Variants in TRPA1 observed in about 807,000 individuals in gnomAD.
TRPA1 encodes the protein transient receptor potential cation channel subfamily A member 1.
A neutral mutation model predicts 131.3 loss-of-function variants in TRPA1; 129 were observed. The ratio of observed to expected loss-of-function variants is 0.98; its 90% CI spans 0.85 to 1.14. TRPA1 has a LOEUF of 1.14. Ranked by LOEUF, TRPA1 falls within the 50% of genes most tolerant of loss-of-function variation. The pLI is 0.00. For missense variants in TRPA1, 1,304 were observed against 1,354.2 expected (o/e 0.96, Z 0.58); for synonymous variants, 441 against 451.7 (o/e 0.98, Z 0.30).
chr8:72,073,672 T>A (rs2129436932), intron 1 of TRPA1, among the ~76,000 whole-genome samples: 1 of 152,328 alleles, frequency 6.6e-6, no homozygotes, highest in East Asian at 1.9e-4. Flanking sequence ...AAATAAAGAC[T>A]ATTAGAAACA....
intron 23 of TRPA1, among the ~76,000 whole-genome samples, chr8:72,032,083 T>C (rs1464904898): frequency 1.3e-5 from 2 of 152,156 alleles, no homozygotes; most frequent in Non-Finnish European, 2.9e-5. Context: ...GGCACAATCA[T>C]GGAGTGTGCA....
Position 72,075,468 on chromosome 8 carries a change from G to A in TRPA1, c.-59C>T, listed in dbSNP as rs1041845139. The A allele has an allele frequency of 6.5e-6, 9 of 1,383,008 alleles. No individual in the cohort carries two copies. Among genetic ancestry groups the A allele is most frequent in the African/African-American group, 2.8e-5 (2 of 70,800 alleles). 85.7% of individuals were successfully genotyped at this position (1,383,008 alleles called of 1,614,324 possible). ...CTCACCACGCGCGCGGGCACCTGGG[G>A]CGAGAGAGCGCTGTCAGCCTGCCAG... On this transcript the variant is annotated 5_prime_UTR_variant, in exon 1 of 27. Coordinates refer to ENST00000262209, the MANE Select transcript of TRPA1 (RefSeq NM_007332.3).
At chr8:72,083,250 T>C in the TRPA1 span, among the ~76,000 whole-genome samples, 1 of 152,222 alleles carries the variant, frequency 6.6e-6, no homozygotes, top group Non-Finnish European at 1.5e-5. Context: ...TTATATTAGC[T>C]GATTTGAAAT....
chr8:72,033,977 A>G (rs992858359), intron 22 of TRPA1, 151 bp from the exon 23 acceptor site: 3 of 833,190 alleles, frequency 3.6e-6, no homozygotes, highest in Non-Finnish European at 5.9e-6. Context: ...AATATAGTAA[A>G]CATGGTAAAG....
At chr8:72,084,647 A>AT in the TRPA1 span, among the ~76,000 whole-genome samples, 21,326 of 104,918 alleles carry the variant, frequency 0.2, 2,792 homozygotes, top group East Asian at 0.34. Flanking sequence ...TAAAATGATA[A>AT]TTTTTTTTTT....
chr8:72,059,360 T>TA (rs1187713819), intron 8 of TRPA1, 30 bp downstream of exon 8: 1 of 1,392,744 alleles, frequency 7.2e-7, no homozygotes, highest in Admixed American at 1.8e-5. Flanking sequence ...TAAATAGTAA[T>TA]AAAAATAAAC....
At chr8:72,039,892 G>A in intron 17 of TRPA1, 95 bp from the exon 18 acceptor site, 1 of 864,742 alleles carries the variant, frequency 1.2e-6, no homozygotes, top group Non-Finnish European at 1.9e-6. Flanking sequence ...AACTGTGTTT[G>A]GTATTGTAAA....
chr8:72,034,858 A>G (rs1180055832), intron 21 of TRPA1, among the ~76,000 whole-genome samples: 1 of 152,202 alleles, frequency 6.6e-6, no homozygotes, highest in Non-Finnish European at 1.5e-5. Flanking sequence ...GTTACCTTAA[A>G]TCATTTTACC....
chr8:72,063,425 T>A, intron 5 of TRPA1, 38 bp downstream of exon 5: 1 of 1,414,818 alleles, frequency 7.1e-7, no homozygotes, highest in Non-Finnish European at 9.9e-7. Context: ...CAAAATAGAC[T>A]TATTTATAGT....
rs192555901 is a variant in TRPA1, at chr8:72,056,416, G to C, written c.1194+501C>G. ...AATACTGGCAATATTGAAATCTATT[G>C]ATGATAAAAATATGATGTATTTCAC... On this transcript the variant is annotated intron_variant, in intron 10 of 26. Transcript: ENST00000262209. 18 of 165,302 alleles carry C rather than the reference G, an allele frequency of 1.1e-4. No homozygotes were observed. In the East Asian group the frequency reaches 2.7e-3, roughly 25 times the overall value. 10.2% of individuals were successfully genotyped at this position (165,302 alleles called of 1,614,324 possible).
chr8:72,059,320 TA>T, intron 8 of TRPA1, 69 bp downstream of exon 8: 1 of 1,064,656 alleles, frequency 9.4e-7, no homozygotes, highest in Non-Finnish European at 1.4e-6. Flanking sequence ...TGAAAATCCA[TA>T]TTATGTAATT....
chr8:72,061,145 T>C (rs1368740194), intron 7 of TRPA1, among the ~76,000 whole-genome samples: 1 of 152,256 alleles, frequency 6.6e-6, no homozygotes, highest in Non-Finnish European at 1.5e-5. Context: ...TGTTATTGTT[T>C]TTGGAAACTT....
At chr8:72,071,927 C>G in intron 1 of TRPA1, 60 bp from the exon 2 acceptor site, 2 of 1,439,328 alleles carry the variant, frequency 1.4e-6, no homozygotes, top group Non-Finnish European at 1.9e-6. Flanking sequence ...TGGCTATAAT[C>G]ATTTTATAGC....
the TRPA1 span, among the ~76,000 whole-genome samples, chr8:72,085,181 C>G: frequency 3.9e-5 from 6 of 152,096 alleles, no homozygotes; most frequent in African/African-American, 1.4e-4. Flanking sequence ...ATTGCCTACA[C>G]TTTTTAAAAA....
chr8:72,072,768 C>T (rs912389143), intron 1 of TRPA1, among the ~76,000 whole-genome samples: 2 of 152,100 alleles, frequency 1.3e-5, no homozygotes, highest in Non-Finnish European at 2.9e-5. Flanking sequence ...TCCCTAGTGC[C>T]GGAAAGAGCA....
rs773860742 is a variant in TRPA1 at position 72,026,079 on chromosome 8, G to T, written c.2938-6C>A. ...AAGCTGGTATGAAGTTCCACCTAAA[G>T]TGCATTTTGGATTTATTGATAGAAT... On this transcript the variant is annotated splice_region_variant and splice_polypyrimidine_tract_variant and intron_variant, in intron 24 of 26. Transcript: ENST00000262209. The T allele has an allele frequency of 1.9e-6, 3 of 1,610,028 alleles. No individual in the cohort carries two copies. The African/African-American group carries it at 4.0e-5, about 22-fold the overall frequency.
upstream of TRPA1, among the ~76,000 whole-genome samples, chr8:72,077,858 T>TAATGTGCA (rs1806219279): frequency 2.0e-5 from 3 of 152,134 alleles, no homozygotes; most frequent in Admixed American, 2.0e-4. Context: ...TGAATAGCAG[T>TAATGTGCA]AATGTGCAAG....
chr8:72,063,834 CACATTTTTCA>C (rs1213975801), intron 4 of TRPA1, among the ~76,000 whole-genome samples: 2 of 152,238 alleles, frequency 1.3e-5, no homozygotes, highest in East Asian at 3.9e-4. Flanking sequence ...ATAAAGTCAA[CACATTTTTCA>C]ATGGGATTAA....
chr8:72,039,803 A>G lies in TRPA1; in HGVS notation c.2062-6T>C. Reference sequence around the variant, plus strand: ...CGGTTATTTTGTACCATTGCCTGAGAAATAAAAAAAAGTGTAATAAAAACA... The same window carrying G: ...CGGTTATTTTGTACCATTGCCTGAGGAATAAAAAAAAGTGTAATAAAAACA... On this transcript the variant is annotated splice_region_variant and splice_polypyrimidine_tract_variant and intron_variant, in intron 17 of 26. Transcript: ENST00000262209. 1 of 1,593,340 alleles carries G rather than the reference A, an allele frequency of 6.3e-7. No homozygotes were observed. The highest frequency in any genetic ancestry group is 8.6e-7 in the Non-Finnish European group (1 of 1,162,232).
Sources: allele counts gnomAD v4.1 joint callset (sites outside exome capture counted in the v4.1 genomes callset), GRCh38; gene constraint gnomAD v4.1.1; transcripts MANE v1.5; gene names NCBI Gene and HGNC (gene_info 2026-07-23, HGNC 2026-07-21).